The following EPS8 variants were observed in gnomAD, a reference collection of about 807,000 sequenced individuals.
The protein encoded by EPS8 is epidermal growth factor receptor kinase substrate 8.
In EPS8, 42 loss-of-function variants were observed where a neutral mutation model predicts 103.8. The observed-to-expected ratio is 0.40, with a 90% CI of 0.32 to 0.52. The LOEUF (loss-of-function observed/expected upper bound fraction) is 0.52, where lower values mean the gene tolerates loss of function less well. Ranked by LOEUF, EPS8 falls within the 20% of genes least tolerant of loss-of-function variation. EPS8 has a pLI of 0.40. For synonymous variants in EPS8, 344 were observed against 344.6 expected (o/e 1.00, Z 0.02); for missense variants, 969 against 1,005.1 (o/e 0.96, Z 0.49).
At chr12:15,737,531 C>G (rs1946778283) in intron 1 of EPS8, among the ~76,000 whole-genome samples, 1 of 152,154 alleles carries the variant, frequency 6.6e-6, no homozygotes, top group Non-Finnish European at 1.5e-5. Flanking sequence ...TGTATATGAA[C>G]TCATTTAATC....
At chr12:15,664,177 A>G (rs1945667810) in intron 8 of EPS8, among the ~76,000 whole-genome samples, 1 of 151,548 alleles carries the variant, frequency 6.6e-6, no homozygotes, top group Non-Finnish European at 1.5e-5. Flanking sequence ...ACAATAAATT[A>G]CTGTCTTTTA....
rs150225744 is a variant in EPS8 at position 15,684,174 on chromosome 12, T to A, written c.-21-1202A>T. 1 of 152,128 alleles carries A rather than the reference T, an allele frequency of 6.6e-6. No homozygotes were observed. The highest frequency in any genetic ancestry group is 2.4e-5 in the African/African-American group (1 of 41,424). 9.4% of individuals were successfully genotyped at this position (152,128 alleles called of 1,614,324 possible). A position where few individuals can be genotyped will look rare whatever the true frequency, so the allele number is the denominator to read the frequency against. ...AAATAATAACAGAACTTAACTCTGA[T>A]TGGAAGAGCACAGAAAGCCTACATA... is the stretch of plus-strand genomic sequence containing the variant. On this transcript the variant is annotated intron_variant, in intron 1 of 20. Transcript: ENST00000281172. This position sits in a 1 kb window ranked among gnomAD's most constrained non-coding sequence, Gnocchi z 4.9.
Position 15,731,658 on chromosome 12 carries a change from C to A in EPS8, c.-21-48686G>T, listed in dbSNP as rs1368608147. Among the ~76,000 whole-genome samples the A allele has an allele frequency of 6.6e-6, 1 of 152,086 alleles. No homozygotes were observed. Among genetic ancestry groups the A allele is most frequent in the African/African-American group, 2.4e-5 (1 of 41,400 alleles). ...GACTTCATGCTAAAGATTCTAAGAG[C>A]TAAAGTATTTTCTGAATAGAGAAGA... On this transcript the variant is annotated intron_variant, in intron 1 of 20. Transcript: ENST00000281172. The surrounding 1 kb of genome is among the most constrained non-coding windows in gnomAD (Gnocchi z 5.1).
At chr12:15,669,876 A>C (rs759117402) in intron 4 of EPS8, 51 bp from the exon 5 acceptor site, 3 of 1,394,972 alleles carry the variant, frequency 2.2e-6, no homozygotes, top group Non-Finnish European at 2.9e-6. Flanking sequence ...AAACACATAC[A>C]ACCTCTTAGT....
At chr12:15,678,806 C>G (rs1945953160) in intron 3 of EPS8, among the ~76,000 whole-genome samples, 1 of 150,032 alleles carries the variant, frequency 6.7e-6, no homozygotes, top group African/African-American at 2.5e-5. Context: ...CCCTGCTACT[C>G]TGGAGGCTGA....
Position 15,666,500 on chromosome 12 carries a change from A to G in EPS8, c.539T>C (p.Ile180Thr), listed in dbSNP as rs1565488993. 8.7e-6 allele frequency: 14 copies of G among 1,613,804 alleles called. No individual in the cohort carries two copies. Among genetic ancestry groups the G allele is most frequent in the Non-Finnish European group, 1.2e-5 (14 of 1,179,754 alleles). Residue 180 changes from isoleucine to threonine, a missense_variant, in exon 7 of 21, where the codon ATT (isoleucine) becomes ACT (threonine). Transcript: ENST00000281172. ...TTTACTGTCACTGATTGCACTTTCA[A>G]TATCTTCACTAATTAGGTTTGCCTG... is the stretch of plus-strand genomic sequence containing the variant. The part of the protein sequence containing the change: ...EVKANLISED[I>T]ESAISDSKGG...
At chr12:15,705,065 G>T (rs1416138340) in intron 1 of EPS8, among the ~76,000 whole-genome samples, 1 of 152,078 alleles carries the variant, frequency 6.6e-6, no homozygotes, top group East Asian at 1.9e-4. Flanking sequence ...ATTTACAAAA[G>T]CAATAAACTG....
rs1027290996 is a variant in EPS8, at chr12:15,771,841, A to T, written c.-22+17320T>A. 1.3e-5 allele frequency among the ~76,000 whole-genome samples: 2 copies of T among 152,138 alleles called. No homozygotes were observed. The highest frequency in any genetic ancestry group is 4.8e-5 in the African/African-American group (2 of 41,430). On this transcript the variant is annotated intron_variant, in intron 1 of 20. Coordinates refer to ENST00000281172, the MANE Select transcript of EPS8 (RefSeq NM_004447.6). The surrounding 1 kb of genome is among the most constrained non-coding windows in gnomAD (Gnocchi z 4.6). Reference sequence around the variant, plus strand: ...CTAATTTCAATACAAAAGAAAGGGGAAGGCCGGGGGCGGTGGCTCATGCCT... The same window carrying T: ...CTAATTTCAATACAAAAGAAAGGGGTAGGCCGGGGGCGGTGGCTCATGCCT...
chr12:15,709,619 A>T (rs939694455), intron 1 of EPS8, among the ~76,000 whole-genome samples: 4 of 152,226 alleles, frequency 2.6e-5, no homozygotes, highest in Admixed American at 2.0e-4. Context: ...AGGGAGCCCA[A>T]TTGGCTTTTA....
chr12:15,643,387 A>G (rs931575333), intron 15 of EPS8, among the ~76,000 whole-genome samples: 1 of 152,148 alleles, frequency 6.6e-6, no homozygotes, highest in Non-Finnish European at 1.5e-5. Context: ...TTAAGCATGG[A>G]TATGACACTG....
rs776861881 is a variant in EPS8, at chr12:15,665,764, T to C, written c.728A>G (p.Gln243Arg). The C allele has an allele frequency of 4.3e-6, 7 of 1,613,684 alleles. No homozygotes were observed. Among genetic ancestry groups the C allele is most frequent in the Middle Eastern group, 1.7e-4 (1 of 6,060 alleles). Residue 243 changes from glutamine to arginine, a missense_variant, in exon 8 of 21, where the codon CAA becomes CGA. By Grantham distance (43) the Gln-to-Arg change is conservative. Transcript: ENST00000281172. The stretch of plus-strand genomic sequence containing the variant: ...ATTCTAGGAAGACTCACAGTCCCCT[T>C]GGTCGGCTGCCCATGCAGACCAGGC... ...VAAWSAWAAD[Q>R]GDFEKPRQYH... is the part of the protein sequence containing the mutation.
At chr12:15,659,543 A>C (rs1030468906) in intron 10 of EPS8, among the ~76,000 whole-genome samples, 2 of 152,190 alleles carry the variant, frequency 1.3e-5, no homozygotes, top group African/African-American at 4.8e-5. Context: ...TAAGTGGTTT[A>C]AGATACCAGG....
At chr12:15,675,616 T>A (rs1173778690) in intron 3 of EPS8, among the ~76,000 whole-genome samples, 1 of 152,004 alleles carries the variant, frequency 6.6e-6, no homozygotes, top group African/African-American at 2.4e-5. Flanking sequence ...AAAAATAAAA[T>A]GAGACTTAAA....
chr12:15,667,647 G>A (rs1287477492), intron 6 of EPS8, among the ~76,000 whole-genome samples: 1 of 152,114 alleles, frequency 6.6e-6, no homozygotes, highest in East Asian at 1.9e-4. Flanking sequence ...AAGGTGGGCA[G>A]GAGCATTGCA....
chr12:15,766,586 G>A (rs976077139), intron 1 of EPS8, among the ~76,000 whole-genome samples: 11 of 151,726 alleles, frequency 7.2e-5, no homozygotes, highest in Non-Finnish European at 1.5e-4. Context: ...GCTGAGGCAG[G>A]AGAATTGCCT....
At chr12:15,681,168 G>A in intron 3 of EPS8, 58 bp downstream of exon 3, 2 of 857,762 alleles carry the variant, frequency 2.3e-6, no homozygotes. Context: ...GTTTGAAAAT[G>A]TAATTTGTAA....
At chr12:15,678,915 A>G (rs77830194) in intron 3 of EPS8, among the ~76,000 whole-genome samples, 1 of 111,770 alleles carries the variant, frequency 8.9e-6, no homozygotes, top group Non-Finnish European at 1.6e-5. Context: ...CTCTGTCTCC[A>G]AAAAAAAAAA....
chr12:15,685,652 T>G (rs927199127), intron 1 of EPS8, among the ~76,000 whole-genome samples: 4 of 152,220 alleles, frequency 2.6e-5, no homozygotes, highest in African/African-American at 9.6e-5. Flanking sequence ...ATATAGAAAC[T>G]TTTTGTCATT....
intron 1 of EPS8, among the ~76,000 whole-genome samples, chr12:15,754,627 TC>T: frequency 6.6e-6 from 1 of 152,332 alleles, no homozygotes; most frequent in East Asian, 1.9e-4. Flanking sequence ...AAACCCTTTT[TC>T]CATAATTGGA....
Sources: gnomAD v4.1 joint callset for allele counts (sites outside exome capture counted in the v4.1 genomes callset) on GRCh38, gnomAD v4.1.1 for gene constraint, Gnocchi (gnomAD v3.1) non-coding constraint, MANE v1.5 for transcripts, NCBI Gene and HGNC (gene_info 2026-07-23, HGNC 2026-07-21) for gene names.